CCDC138: variants seen among roughly 807,000 people sequenced by gnomAD.
The protein encoded by CCDC138 is coiled-coil domain-containing protein 138.
CCDC138 carries 66 observed loss-of-function variants against 82.3 expected under a neutral mutation model. The ratio of observed to expected loss-of-function variants is 0.80; its 90% CI spans 0.66 to 0.98. The LOEUF is 0.98. Ranked by LOEUF, CCDC138 falls within the 50% of genes least tolerant of loss-of-function variation. The pLI, the probability that CCDC138 is intolerant of heterozygous loss-of-function variation, is 0.00. For missense variants in CCDC138, 816 were observed against 758.9 expected (o/e 1.08, Z -0.88); for synonymous variants, 297 against 265.4 (o/e 1.12, Z -1.16).
intron 14 of CCDC138, among the ~76,000 whole-genome samples, chr2:108,874,404 A>G (rs1695716697): frequency 6.6e-6 from 1 of 152,142 alleles, no homozygotes; most frequent in African/African-American, 2.4e-5. Context: ...ATAAATAAGG[A>G]CATCGATTTT....
intron 13 of CCDC138, among the ~76,000 whole-genome samples, chr2:108,867,345 A>C (rs1694572972): frequency 6.6e-6 from 1 of 152,224 alleles, no homozygotes; most frequent in Non-Finnish European, 1.5e-5. Flanking sequence ...GTCTTTAGGA[A>C]TTGAAAAAGC....
At chr2:108,797,782 G>A (rs975992931) in intron 5 of CCDC138, among the ~76,000 whole-genome samples, 2 of 152,144 alleles carry the variant, frequency 1.3e-5, no homozygotes, top group Non-Finnish European at 2.9e-5. Context: ...ACAAAGAGTG[G>A]AATATAGGAC....
At chr2:108,858,852 A>T (rs561221760) in intron 13 of CCDC138, among the ~76,000 whole-genome samples, 10 of 152,124 alleles carry the variant, frequency 6.6e-5, no homozygotes, top group Non-Finnish European at 1.5e-4. Flanking sequence ...ACATTATTTC[A>T]TTATTTTTTA....
intron 3 of CCDC138, among the ~76,000 whole-genome samples, chr2:108,790,168 C>G (rs1679671381): frequency 6.6e-6 from 1 of 152,050 alleles, no homozygotes; most frequent in East Asian, 1.9e-4. Context: ...ATTACTATTT[C>G]ATGTTGCACT....
rs373793584 is a variant in CCDC138, at chr2:108,861,848, C to T, written c.1693+4878C>T. Among the ~76,000 whole-genome samples, 30 of 152,214 alleles carry T rather than the reference C, an allele frequency of 2.0e-4. No individual in the cohort carries two copies. In the East Asian group the frequency reaches 5.6e-3, roughly 28 times the overall value. Reference sequence around the variant, plus strand: ...CACCGCGCCCAGCCTAAACTTTCTTCTTAGCACTGTTTTTACTGTATCCTA... The same window carrying T: ...CACCGCGCCCAGCCTAAACTTTCTTTTTAGCACTGTTTTTACTGTATCCTA... On this transcript the variant is annotated intron_variant, in intron 13 of 14. Coordinates refer to ENST00000295124, the MANE Select transcript of CCDC138 (RefSeq NM_144978.3).
At chr2:108,826,689 C>G (rs1686661675) in intron 10 of CCDC138, among the ~76,000 whole-genome samples, 1 of 152,168 alleles carries the variant, frequency 6.6e-6, no homozygotes, top group South Asian at 2.1e-4. Context: ...AAGTGTGAAT[C>G]TTCCAACTTT....
chr2:108,800,638 TAATTATAC>T (rs1681770503), intron 6 of CCDC138, among the ~76,000 whole-genome samples: 2 of 73,732 alleles, frequency 2.7e-5, no homozygotes, highest in African/African-American at 1.2e-4. Flanking sequence ...TTTTTTTTTT[TAATTATAC>T]TTTAAGTTTT....
chr2:108,864,091 T>C (rs963475509), intron 13 of CCDC138, among the ~76,000 whole-genome samples: 35 of 152,228 alleles, frequency 2.3e-4, no homozygotes, highest in South Asian at 2.1e-4. Context: ...GTAACACTAG[T>C]GAGCCCTTCT....
intron 7 of CCDC138, among the ~76,000 whole-genome samples, chr2:108,807,972 G>A (rs1429978438): frequency 6.6e-6 from 1 of 152,082 alleles, no homozygotes; most frequent in Admixed American, 6.5e-5. Flanking sequence ...CCTTTCCACA[G>A]CCATCCCAAC....
At chr2:108,832,446 C>G (rs891744607) in intron 10 of CCDC138, among the ~76,000 whole-genome samples, 1 of 148,860 alleles carries the variant, frequency 6.7e-6, no homozygotes, top group Non-Finnish European at 1.5e-5. Flanking sequence ...CTCCCAAGTT[C>G]AAGCGATTCT....
At position 108,883,066 on chromosome 2, in the gene CCDC138, T is replaced by G. The variant is rs1250195950; in HGVS notation, c.*44+275T>G. 3 of 152,254 alleles carry G rather than the reference T, an allele frequency of 2.0e-5. 1 individual carries two copies. Among genetic ancestry groups the G allele is most frequent in the Admixed American group, 2.0e-4 (3 of 15,288 alleles). 9.4% of individuals were successfully genotyped at this position (152,254 alleles called of 1,614,324 possible). On this transcript the variant is annotated intron_variant, in intron 2 of 2. Transcript: ENST00000608781. ...AATTCAGCAGTGTTCAATTCATTTC[T>G]TATTTTCCACTGTATTTCATTTCAA...
Position 108,846,814 on chromosome 2 carries a change from A to T in CCDC138, c.1400A>T (p.Asp467Val). 1 of 1,612,614 alleles carries T rather than the reference A, an allele frequency of 6.2e-7. No homozygotes were observed. The highest frequency in any genetic ancestry group is 8.5e-7 in the Non-Finnish European group (1 of 1,178,780). Residue 467 changes from aspartate to valine, a missense_variant, in exon 12 of 15, where the codon GAT becomes GTT. Coordinates refer to ENST00000295124, the MANE Select transcript of CCDC138 (RefSeq NM_144978.3). Reference sequence around the variant, plus strand: ...GGAGTGGTAACTAAAGGAATTCAGGATAATTCTCCACAGCATTCTGTGGAG... The same window carrying T: ...GGAGTGGTAACTAAAGGAATTCAGGTTAATTCTCCACAGCATTCTGTGGAG... ...FKGVVTKGIQDNSPQHSVENK... is the reference protein window; with the variant it reads ...FKGVVTKGIQVNSPQHSVENK...
chr2:108,877,611 CAT>C (rs1696117878), downstream of CCDC138, among the ~76,000 whole-genome samples: 2 of 151,998 alleles, frequency 1.3e-5, no homozygotes, highest in Admixed American at 1.3e-4. Flanking sequence ...AGATAGTACT[CAT>C]GAGAGTGGAT....
chr2:108,853,137 A>T (rs1451869872), intron 12 of CCDC138, among the ~76,000 whole-genome samples: 1 of 152,240 alleles, frequency 6.6e-6, no homozygotes, highest in Admixed American at 6.5e-5. Flanking sequence ...TAAATAGCTG[A>T]TAGACCCACA....
At chr2:108,873,347 AAATG>A (rs1695561824) in intron 13 of CCDC138, 100 bp from the exon 14 acceptor site, 6 of 1,062,766 alleles carry the variant, frequency 5.6e-6, no homozygotes, top group Non-Finnish European at 7.5e-6. Context: ...ATGAAAATCT[AAATG>A]AATATTTATA....
intron 10 of CCDC138, among the ~76,000 whole-genome samples, chr2:108,817,846 G>T (rs1685054489): frequency 6.6e-6 from 1 of 152,152 alleles, no homozygotes; most frequent in African/African-American, 2.4e-5. Context: ...TGTTAAGTTT[G>T]TGGTATTTGT....
intron 13 of CCDC138, among the ~76,000 whole-genome samples, chr2:108,861,980 T>C (rs546234289): frequency 2.0e-5 from 3 of 152,228 alleles, no homozygotes; most frequent in South Asian, 2.1e-4. Context: ...GTAAATTCTT[T>C]AGTTTTCATG....
At chr2:108,837,703 A>G (rs1328566373) in intron 10 of CCDC138, among the ~76,000 whole-genome samples, 1 of 152,210 alleles carries the variant, frequency 6.6e-6, no homozygotes. Context: ...CTTGATCATA[A>G]ACAACCATGT....
At chr2:108,820,715 A>AC (rs56848951) in intron 10 of CCDC138, among the ~76,000 whole-genome samples, 1 of 95,634 alleles carries the variant, frequency 1.0e-5, no homozygotes, top group African/African-American at 3.9e-5. Flanking sequence ...AAAAAAAAAA[A>AC]CAAACAACAA....
Sources: allele counts gnomAD v4.1 joint callset (sites outside exome capture counted in the v4.1 genomes callset), GRCh38; gene constraint gnomAD v4.1.1; transcripts MANE v1.5; gene names NCBI Gene and HGNC (gene_info 2026-07-23, HGNC 2026-07-21).